The following NOL4 variants were observed in gnomAD, a reference collection of about 807,000 sequenced individuals.
The protein encoded by NOL4 is cancer/testis antigen 125.
Under a neutral mutation model 75.9 loss-of-function variants are expected in NOL4, and 17 were observed. That is an observed-to-expected ratio of 0.22 (90% confidence interval 0.15 to 0.34). NOL4 has a LOEUF of 0.34. NOL4 is among the 10% of genes least tolerant of loss of function. The pLI is 1.00. For synonymous variants in NOL4, 292 were observed against 289.9 expected, an observed-to-expected ratio of 1.01 and a Z score of -0.07; for missense variants, 614 against 793.5, an observed-to-expected ratio of 0.77 and a Z score of 2.72.
chr18:34,053,479 A>T (rs757933612), intron 5 of NOL4, among the ~76,000 whole-genome samples: 17 of 152,010 alleles, frequency 1.1e-4, no homozygotes, highest in Non-Finnish European at 2.1e-4. Flanking sequence ...TTATTATAAG[A>T]ACTAAAACCC....
intron 1 of NOL4, among the ~76,000 whole-genome samples, chr18:34,184,913 G>A (rs2034337483): frequency 6.6e-6 from 1 of 152,066 alleles, no homozygotes; most frequent in Admixed American, 6.6e-5. Context: ...CTGAAATTTG[G>A]GTAACCAGAA....
At chr18:33,896,080 A>AATAC (rs1214348072) in intron 9 of NOL4, among the ~76,000 whole-genome samples, 2 of 152,116 alleles carry the variant, frequency 1.3e-5, no homozygotes, top group Non-Finnish European at 2.9e-5. Context: ...AATACCTAGG[A>AATAC]ATACAGCTAA....
intron 1 of NOL4, among the ~76,000 whole-genome samples, chr18:34,166,692 C>A (rs2032375306): frequency 6.6e-6 from 1 of 151,888 alleles, no homozygotes; most frequent in Admixed American, 6.6e-5. Context: ...TCTGCATCTG[C>A]CAATTCAACC....
At chr18:34,067,253 G>A (rs2077318906) in intron 5 of NOL4, among the ~76,000 whole-genome samples, 2 of 152,100 alleles carry the variant, frequency 1.3e-5, no homozygotes, top group African/African-American at 4.8e-5. Context: ...AGAATTTTAG[G>A]CAAAAGTACC....
intron 10 of NOL4, among the ~76,000 whole-genome samples, chr18:33,865,704 A>T (rs543065348): frequency 6.6e-6 from 1 of 152,232 alleles, no homozygotes; most frequent in South Asian, 2.1e-4. Context: ...TTGATTAGAG[A>T]AAAGATTGAT....
At position 33,977,426 on chromosome 18, in the gene NOL4, C is replaced by T. The variant is rs149028369; in HGVS notation, c.1057-19008G>A. The stretch of plus-strand genomic sequence containing the variant: ...TCTCATGAGATCTGATGGTTTTATA[C>T]AGGACAGTTCCCCTGCATATGTTCT... On this transcript the variant is annotated intron_variant, in intron 6 of 10. Coordinates refer to ENST00000261592, the MANE Select transcript of NOL4 (RefSeq NM_003787.5). Among the ~76,000 whole-genome samples the T allele has an allele frequency of 2.5e-3, 383 of 152,262 alleles. 6 individuals are homozygous for T. The highest frequency in any genetic ancestry group is 7.9e-3 in the African/African-American group (328 of 41,566).
chr18:33,900,713 G>A (rs1236060996), intron 9 of NOL4, among the ~76,000 whole-genome samples: 1 of 152,120 alleles, frequency 6.6e-6, no homozygotes, highest in Non-Finnish European at 1.5e-5. Flanking sequence ...TATCTACTGG[G>A]GAAAATAAAG....
chr18:33,950,718 G>A (rs2069158977), intron 8 of NOL4, among the ~76,000 whole-genome samples: 1 of 152,142 alleles, frequency 6.6e-6, no homozygotes. Context: ...GCACACAGAA[G>A]AAAGAGAGAT....
At chr18:33,894,277 GATT>G (rs2065269850) in intron 9 of NOL4, among the ~76,000 whole-genome samples, 1 of 152,122 alleles carries the variant, frequency 6.6e-6, no homozygotes, top group South Asian at 2.1e-4. Flanking sequence ...AAGGGAATGT[GATT>G]ATTATTTAGG....
chr18:33,867,380 C>A (rs1253328628), intron 10 of NOL4, among the ~76,000 whole-genome samples: 29 of 152,022 alleles, frequency 1.9e-4, no homozygotes, highest in Non-Finnish European at 8.8e-5. Context: ...TAATTTACAT[C>A]TTTAAAGAGT....
At chr18:33,854,271 G>A (rs1461628313) in intron 10 of NOL4, among the ~76,000 whole-genome samples, 5 of 152,064 alleles carry the variant, frequency 3.3e-5, no homozygotes, top group African/African-American at 7.2e-5. Flanking sequence ...CTCCACAGAG[G>A]AGACAGATGT....
chr18:34,183,904 C>T (rs955484945), intron 1 of NOL4, among the ~76,000 whole-genome samples: 1 of 151,372 alleles, frequency 6.6e-6, no homozygotes, highest in African/African-American at 2.4e-5. Context: ...AAGCATTTGT[C>T]AAAACCCATA....
At chr18:34,126,770 T>A (rs565469030) in intron 2 of NOL4, among the ~76,000 whole-genome samples, 1 of 152,106 alleles carries the variant, frequency 6.6e-6, no homozygotes, top group Non-Finnish European at 1.5e-5. Context: ...TAATGCCACA[T>A]CATTAATTTT....
At chr18:34,076,805 G>C (rs924482571) in intron 5 of NOL4, among the ~76,000 whole-genome samples, 1 of 152,086 alleles carries the variant, frequency 6.6e-6, no homozygotes, top group African/African-American at 2.4e-5. Context: ...AGAATTCTTA[G>C]ACACAAATTT....
chr18:33,899,999 A>G (rs74630124), intron 9 of NOL4, among the ~76,000 whole-genome samples: 1 of 152,276 alleles, frequency 6.6e-6, no homozygotes, highest in Non-Finnish European at 1.5e-5. Context: ...CAAATTGTTA[A>G]CCTGCAACTA....
At chr18:33,919,018 C>A (rs1245749785) in intron 9 of NOL4, among the ~76,000 whole-genome samples, 1 of 151,650 alleles carries the variant, frequency 6.6e-6, no homozygotes, top group East Asian at 1.9e-4. Context: ...AAATAAAATA[C>A]CTTTTATTTT....
chr18:34,003,694 T>C (rs2073867759), intron 6 of NOL4, among the ~76,000 whole-genome samples: 1 of 152,058 alleles, frequency 6.6e-6, no homozygotes, highest in Non-Finnish European at 1.5e-5. Context: ...ATCATTCTCA[T>C]ACACACTTCA....
chr18:33,918,492 T>G (rs1485765766), intron 9 of NOL4, among the ~76,000 whole-genome samples: 4 of 152,180 alleles, frequency 2.6e-5, no homozygotes, highest in Non-Finnish European at 4.4e-5. Flanking sequence ...TCTTCACCCA[T>G]GCTAAGATCT....
intron 1 of NOL4, among the ~76,000 whole-genome samples, chr18:34,141,775 AAGGACTTCATGTCTAAAAC>A (rs2081175805): frequency 6.6e-6 from 1 of 152,210 alleles, no homozygotes; most frequent in Non-Finnish European, 1.5e-5. Flanking sequence ...AGGCATGGGC[AAGGACTTCATGTCTAAAAC>A]ACCAAAAGCA....
Sources: gnomAD v4.1 joint callset for allele counts (sites outside exome capture counted in the v4.1 genomes callset) on GRCh38, gnomAD v4.1.1 for gene constraint, MANE v1.5 for transcripts, NCBI Gene and HGNC (gene_info 2026-07-23, HGNC 2026-07-21) for gene names.